Variants in IL31RA observed in about 807,000 individuals in gnomAD.
IL31RA encodes the protein interleukin-31 receptor subunit alpha.
A neutral mutation model predicts 83.7 loss-of-function variants in IL31RA; 66 were observed. The observed-to-expected ratio is 0.79, with a 90% CI of 0.65 to 0.97. IL31RA has a LOEUF of 0.97. Ranked by LOEUF, IL31RA falls within the 50% of genes least tolerant of loss-of-function variation. The pLI is 0.00. For synonymous variants in IL31RA, 325 were observed against 329.0 expected (o/e 0.99, Z 0.13); for missense variants, 798 against 919.4 (o/e 0.87, Z 1.71).
upstream of IL31RA, among the ~76,000 whole-genome samples, chr5:55,847,246 AAT>A (rs1333015173): frequency 1.2e-4 from 2 of 16,048 alleles, no homozygotes; most frequent in Admixed American, 7.3e-4. Context: ...AAAAAATAAA[AAT>A]AAATAAATAA....
chr5:55,842,178 G>T, the IL31RA span, among the ~76,000 whole-genome samples: 1 of 152,118 alleles, frequency 6.6e-6, no homozygotes, highest in African/African-American at 2.4e-5. Flanking sequence ...ACTTAGTCAC[G>T]TGGTTTTTCC....
Position 55,855,682 on chromosome 5 carries a change from G to A in IL31RA, c.64-3827G>A, listed in dbSNP as rs552157183. ...ACTCTATTTCCTTTGCTTTGGTCCT[G>A]TGAGACAGGATGTGGGGAGGCAGGG... On this transcript the variant is annotated intron_variant, in intron 1 of 14. Transcript: ENST00000652347. Among the ~76,000 whole-genome samples, 3 of 152,294 alleles carry A rather than the reference G, an allele frequency of 2.0e-5. No homozygotes were observed. The South Asian group carries it at 6.2e-4, about 32-fold the overall frequency.
intron 2 of IL31RA, among the ~76,000 whole-genome samples, chr5:55,867,205 G>T (rs1746175659): frequency 1.1e-5 from 1 of 92,464 alleles, no homozygotes; most frequent in Non-Finnish European, 2.3e-5. Flanking sequence ...GTGTTTGTGT[G>T]TGTGCGCATG....
intron 12 of IL31RA, among the ~76,000 whole-genome samples, chr5:55,913,078 GTTTTTTGTTTTT>G (rs1353248872): frequency 8.3e-6 from 1 of 120,216 alleles, no homozygotes; most frequent in Non-Finnish European, 1.8e-5. Flanking sequence ...ACAAAATTCT[GTTTTTTGTTTTT>G]GTTTTTGTTT....
chr5:55,904,264 G>A lies in IL31RA; in HGVS notation c.1070-1842G>A, dbSNP rs931123246. Among the ~76,000 whole-genome samples the A allele has an allele frequency of 3.3e-5, 5 of 152,120 alleles. No homozygotes were observed. The East Asian group carries it at 7.7e-4, about 23-fold the overall frequency. On this transcript the variant is annotated intron_variant, in intron 8 of 14. Coordinates refer to ENST00000652347, the MANE Select transcript of IL31RA (RefSeq NM_139017.7). ...GGGGTTCCCACTGGATCTTGCAGGG[G>A]ACTCTATCTAGAGTGTGAGTGACAT...
At chr5:55,893,983 G>A (rs977279944) in intron 6 of IL31RA, among the ~76,000 whole-genome samples, 12 of 151,736 alleles carry the variant, frequency 7.9e-5, no homozygotes, top group African/African-American at 2.4e-4. Context: ...GGCTGCCTAT[G>A]GGCTAAATCC....
chr5:55,905,182 C>T (rs1409056902), intron 8 of IL31RA, among the ~76,000 whole-genome samples: 1 of 143,894 alleles, frequency 6.9e-6, no homozygotes, highest in African/African-American at 2.6e-5. Context: ...GCCTGGGTGA[C>T]AGGGCGAGAC....
At chr5:55,877,514 T>G (rs1746931397) in intron 4 of IL31RA, among the ~76,000 whole-genome samples, 1 of 152,266 alleles carries the variant, frequency 6.6e-6, no homozygotes, top group Admixed American at 6.5e-5. Flanking sequence ...TTAGCATTTC[T>G]TATAGGGCAG....
At chr5:55,899,847 C>A in intron 7 of IL31RA, 69 bp from the exon 8 acceptor site, 1 of 1,107,364 alleles carries the variant, frequency 9.0e-7, no homozygotes, top group Non-Finnish European at 1.4e-6. Context: ...ACCCCCACCG[C>A]TTCTCACTGT....
At chr5:55,899,840 C>G in intron 7 of IL31RA, 76 bp from the exon 8 acceptor site, 1 of 990,764 alleles carries the variant, frequency 1.0e-6, no homozygotes, top group Non-Finnish European at 1.6e-6. Context: ...CACCCTCACC[C>G]CCACCGCTTC....
chr5:55,908,814 C>T, intron 11 of IL31RA: 1 of 1,398,826 alleles, frequency 7.1e-7, no homozygotes, highest in Admixed American at 3.0e-5. Flanking sequence ...TTCAGTCCAC[C>T]TTATCTCCTG....
At chr5:55,877,648 G>A (rs1746941898) in intron 4 of IL31RA, among the ~76,000 whole-genome samples, 1 of 152,072 alleles carries the variant, frequency 6.6e-6, no homozygotes, top group African/African-American at 2.4e-5. Flanking sequence ...TTCTCTTTCA[G>A]CACTTTAAAT....
chr5:55,900,058 T>C lies in IL31RA; in HGVS notation c.995T>C (p.Val332Ala). Residue 332 changes from valine to alanine, a missense_variant, in exon 8 of 15, where the codon GTG (valine) becomes GCG (alanine). Transcript: ENST00000652347. ...CATCTGGGAGGCGAGAGCTTTTGGGTGTCTATGATTTCTTATAATTCTCTT... is the reference window on the plus strand; with the variant it reads ...CATCTGGGAGGCGAGAGCTTTTGGGCGTCTATGATTTCTTATAATTCTCTT... ...ELHLGGESFW[V>A]SMISYNSLGK... 6.2e-7 allele frequency: 1 copy of C among 1,614,094 alleles called. No individual in the cohort carries two copies. Among genetic ancestry groups the C allele is most frequent in the Non-Finnish European group, 8.5e-7 (1 of 1,179,970 alleles).
At chr5:55,915,306 A>G (rs1326563470) in intron 14 of IL31RA, among the ~76,000 whole-genome samples, 1 of 152,242 alleles carries the variant, frequency 6.6e-6, no homozygotes, top group East Asian at 1.9e-4. Flanking sequence ...CCAAGAGCAC[A>G]TTAATCTAAA....
At chr5:55,874,629 A>G (rs1181094847) in intron 4 of IL31RA, among the ~76,000 whole-genome samples, 1 of 152,078 alleles carries the variant, frequency 6.6e-6, no homozygotes, top group African/African-American at 2.4e-5. Flanking sequence ...ATTCTTTTAA[A>G]TGCTATTGTA....
rs1750032304 is a variant in IL31RA, at chr5:55,920,377, T to C, written c.*3257T>C. On this transcript the variant is annotated 3_prime_UTR_variant, in exon 15 of 15. Coordinates refer to ENST00000652347, the MANE Select transcript of IL31RA (RefSeq NM_139017.7). ...GGGCCAAATCCAGGCCCTGTTTTTG[T>C]AGGTTCATGAACTAAAAGCTATAAT... 6.6e-6 allele frequency among the ~76,000 whole-genome samples: 1 copy of C among 152,266 alleles called. No individual in the cohort carries two copies. Among genetic ancestry groups the C allele is most frequent in the Non-Finnish European group, 1.5e-5 (1 of 68,044 alleles).
rs565915411 is a variant in IL31RA at position 55,900,868 on chromosome 5, A to AT, written c.1069+742dup. Among the ~76,000 whole-genome samples the AT allele has an allele frequency of 2.6e-3, 398 of 152,118 alleles. 3 individuals are homozygous for AT. The highest frequency in any genetic ancestry group is 9.1e-3 in the African/African-American group (377 of 41,476). On this transcript the variant is annotated intron_variant, in intron 8 of 14. Transcript: ENST00000652347. ...GGATGTAAATGCCATGAAGGCAGTG[A>AT]TTTTTTGTCTGTTTTCCTTTCTTTT...
chr5:55,893,715 G>A (rs1374992287), intron 6 of IL31RA, among the ~76,000 whole-genome samples: 1 of 151,916 alleles, frequency 6.6e-6, no homozygotes, highest in Admixed American at 6.6e-5. Flanking sequence ...GACCATATTT[G>A]CAGGAAATAG....
chr5:55,896,249 C>G, intron 6 of IL31RA, 101 bp from the exon 7 acceptor site: 1 of 798,210 alleles, frequency 1.3e-6, no homozygotes, highest in South Asian at 1.4e-5. Context: ...TTCCCAATGG[C>G]TCCCTCAAGC....
Sources: gnomAD v4.1 joint callset for allele counts (sites outside exome capture counted in the v4.1 genomes callset) on GRCh38, gnomAD v4.1.1 for gene constraint, MANE v1.5 for transcripts, NCBI Gene and HGNC (gene_info 2026-07-23, HGNC 2026-07-21) for gene names.